Variants in PCDHGB3 observed in about 807,000 individuals in gnomAD.
The protein encoded by PCDHGB3 is protocadherin gamma-B3.
A neutral mutation model predicts 59.2 loss-of-function variants in PCDHGB3; 40 were observed. The ratio of observed to expected loss-of-function variants is 0.68; its 90% confidence interval spans 0.52 to 0.88. The LOEUF (loss-of-function observed/expected upper bound fraction) is 0.88. Ranked by LOEUF, PCDHGB3 falls within the 40% of genes least tolerant of loss-of-function variation. The pLI is 0.00. For missense variants in PCDHGB3, 1,309 were observed against 1,187.9 expected (o/e 1.10, Z -1.50); for synonymous variants, 581 against 503.6 (o/e 1.15, Z -2.06).
At chr5:141,403,551 T>G in intron 1 of PCDHGB3, 1 of 1,613,986 alleles carries the variant, frequency 6.2e-7, no homozygotes, top group Non-Finnish European at 8.5e-7. Context: ...GAGCGCGCCC[T>G]GGACAGGGAG....
chr5:141,374,444 G>A (rs1371044841), intron 1 of PCDHGB3: 1 of 1,613,848 alleles, frequency 6.2e-7, no homozygotes, highest in Non-Finnish European at 8.5e-7. Flanking sequence ...TCCCGTGGAA[G>A]TGGAAATAGT....
At position 141,433,069 on chromosome 5, in the gene PCDHGB3, C is replaced by G. The variant is rs561950316; in HGVS notation, c.2415+60260C>G. The G allele has an allele frequency of 3.1e-6, 5 of 1,614,200 alleles. No homozygotes were observed. In the Admixed American group the frequency reaches 8.3e-5, roughly 27 times the overall value. Reference sequence around the variant, plus strand: ...ACTCGCGGAAGAGTCACCTGATCTTCCCCCAGCCCAACTATGCAGACATGC... The same window carrying G: ...ACTCGCGGAAGAGTCACCTGATCTTGCCCCAGCCCAACTATGCAGACATGC... On this transcript the variant is annotated intron_variant, in intron 1 of 3. Coordinates refer to ENST00000576222, the MANE Select transcript of PCDHGB3 (RefSeq NM_018924.5).
At chr5:141,424,956 T>A (rs1435882776) in intron 1 of PCDHGB3, among the ~76,000 whole-genome samples, 1 of 152,176 alleles carries the variant, frequency 6.6e-6, no homozygotes, top group African/African-American at 2.4e-5. Context: ...TTCTAGGTAT[T>A]TGCCCCAAAT....
chr5:141,460,467 AG>A (rs1303418429), intron 1 of PCDHGB3, among the ~76,000 whole-genome samples: 1 of 152,114 alleles, frequency 6.6e-6, no homozygotes, highest in African/African-American at 2.4e-5. Flanking sequence ...TTTTTTCCAA[AG>A]GAATATCCAA....
chr5:141,464,273 A>G (rs1330533734), intron 1 of PCDHGB3, among the ~76,000 whole-genome samples: 1 of 136,736 alleles, frequency 7.3e-6, no homozygotes, highest in African/African-American at 3.0e-5. Context: ...TAAAAAAAAA[A>G]AAAAGCAAAA....
rs544678317 is a variant in PCDHGB3, at chr5:141,430,911, A to C, written c.2415+58102A>C. The C allele has an allele frequency of 1.9e-5, 31 of 1,607,958 alleles. No homozygotes were observed. The Admixed American group carries it at 2.2e-4, about 11-fold the overall frequency. ...TCTAGGGTGGGCGACATCTCCAGGG[A>C]CCTGGGGCTGGAGCCCCGGGAGCTC... On this transcript the variant is annotated intron_variant, in intron 1 of 3. Transcript: ENST00000576222.
At chr5:141,414,738 C>T in intron 1 of PCDHGB3, 1 of 1,614,238 alleles carries the variant, frequency 6.2e-7, no homozygotes, top group Non-Finnish European at 8.5e-7. Context: ...TGTATGCACT[C>T]AGATCCTTCG....
intron 1 of PCDHGB3, chr5:141,403,552 G>A (rs1228068556): frequency 1.2e-6 from 2 of 1,613,892 alleles, no homozygotes; most frequent in African/African-American, 1.3e-5. Flanking sequence ...AGCGCGCCCT[G>A]GACAGGGAGG....
chr5:141,398,782 C>T (rs763578317), intron 1 of PCDHGB3: 1 of 1,613,908 alleles, frequency 6.2e-7, no homozygotes, highest in Non-Finnish European at 8.5e-7. Context: ...GGACGGTGGA[C>T]ATCCACCCCT....
At chr5:141,401,599 G>A (rs368569328) in intron 1 of PCDHGB3, among the ~76,000 whole-genome samples, 22 of 152,278 alleles carry the variant, frequency 1.4e-4, no homozygotes, top group African/African-American at 4.8e-4. Context: ...CTTGAAGAAG[G>A]GGAAAAAGAC....
At chr5:141,492,121 C>G (rs1205499685) in intron 1 of PCDHGB3, among the ~76,000 whole-genome samples, 1 of 152,232 alleles carries the variant, frequency 6.6e-6, no homozygotes, top group Non-Finnish European at 1.5e-5. Context: ...CGATTTCTCC[C>G]CAGCTCCCAG....
chr5:141,505,694 G>A, intron 3 of PCDHGB3, among the ~76,000 whole-genome samples: 1 of 152,208 alleles, frequency 6.6e-6, no homozygotes, highest in East Asian at 1.9e-4. Flanking sequence ...GCCTGGAGGA[G>A]AGCGAACAAG....
At chr5:141,400,685 T>G in intron 1 of PCDHGB3, 1 of 827,408 alleles carries the variant, frequency 1.2e-6, no homozygotes, top group South Asian at 1.8e-5. Context: ...AAATTGTGAG[T>G]TTTTATGTCG....
rs903741318 is a variant in PCDHGB3, at chr5:141,454,939, C to G, written c.2416-39868C>G. On this transcript the variant is annotated intron_variant, in intron 1 of 3. Coordinates refer to ENST00000576222, the MANE Select transcript of PCDHGB3 (RefSeq NM_018924.5). ...TCTCCTGCCTCAGCCTCCCGAGTAG[C>G]TGGGACTACAGGCGCCGGCCACCAC... 6.0e-5 allele frequency among the ~76,000 whole-genome samples: 9 copies of G among 150,982 alleles called. No homozygotes were observed. The East Asian group carries it at 1.8e-3, about 30-fold the overall frequency.
At chr5:141,438,210 A>G (rs1228726792) in intron 1 of PCDHGB3, among the ~76,000 whole-genome samples, 2 of 152,188 alleles carry the variant, frequency 1.3e-5, no homozygotes, top group Non-Finnish European at 2.9e-5. Flanking sequence ...ACCATATGGG[A>G]AGGGCTCTGG....
rs554670088 is a variant in PCDHGB3 at position 141,391,069 on chromosome 5, T to C, written c.2415+18260T>C. The C allele has an allele frequency of 4.1e-4, 63 of 152,324 alleles. 1 individual carries two copies. Among genetic ancestry groups the C allele is most frequent in the African/African-American group, 1.4e-3 (59 of 41,576 alleles). The allele number at this position is 152,324 out of a possible 1,614,324, so 9.4% of individuals were successfully genotyped here. A position where few individuals can be genotyped will look rare whatever the true frequency, so the allele number is the denominator to read the frequency against. ...GTCCCTCTCACACACAGCCCTAATA[T>C]ATAATGTGTAACTGCCTTATCTGCA... On this transcript the variant is annotated intron_variant, in intron 1 of 3. Transcript: ENST00000576222.
At chr5:141,393,671 A>G in intron 1 of PCDHGB3, 1 of 1,613,944 alleles carries the variant, frequency 6.2e-7, no homozygotes, top group Non-Finnish European at 8.5e-7. Flanking sequence ...AAATTAATGA[A>G]AAACAAACTC....
chr5:141,399,909 A>G (rs1181363803), intron 1 of PCDHGB3: 6 of 1,612,410 alleles, frequency 3.7e-6, no homozygotes, highest in East Asian at 4.5e-5. Flanking sequence ...ACGCAGACTC[A>G]GGACACAACG....
At chr5:141,375,695 G>C (rs540188136) in intron 1 of PCDHGB3, 1 of 1,614,250 alleles carries the variant, frequency 6.2e-7, no homozygotes, top group South Asian at 1.1e-5. Context: ...CAGCGACAGC[G>C]GGGACCCGCC....
Sources: allele counts gnomAD v4.1 joint callset (sites outside exome capture counted in the v4.1 genomes callset), GRCh38; gene constraint gnomAD v4.1.1; transcripts MANE v1.5; gene names NCBI Gene and HGNC (gene_info 2026-07-23, HGNC 2026-07-21).